Variants in MEI1 observed in about 807,000 individuals in gnomAD.
MEI1 encodes the protein meiosis inhibitor protein 1.
A neutral mutation model predicts 146.2 loss-of-function variants in MEI1; 103 were observed. That is an observed-to-expected ratio of 0.70 (90% CI 0.60 to 0.83). The LOEUF is 0.83. MEI1 is among the 40% of genes least tolerant of loss of function. MEI1 has a pLI of 0.00. For synonymous variants in MEI1, 652 were observed against 628.2 expected, an observed-to-expected ratio of 1.04 and a Z score of -0.57; for missense variants, 1,529 against 1,533.0, an observed-to-expected ratio of 1.00 and a Z score of 0.04.
At chr22:41,734,833 C>T (rs1326172761) in intron 11 of MEI1, among the ~76,000 whole-genome samples, 4 of 151,712 alleles carry the variant, frequency 2.6e-5, no homozygotes, top group East Asian at 3.9e-4. Flanking sequence ...GATGGGGTTT[C>T]GCCACGTTGG....
chr22:41,754,186 C>G (rs1422672769), intron 17 of MEI1, 140 bp downstream of exon 17: 3 of 637,590 alleles, frequency 4.7e-6, no homozygotes, highest in Non-Finnish European at 8.4e-6. Flanking sequence ...CGGAGTGATG[C>G]AATTATAGGT....
At chr22:41,710,378 C>G (rs544096763) in intron 3 of MEI1, among the ~76,000 whole-genome samples, 2 of 152,314 alleles carry the variant, frequency 1.3e-5, no homozygotes, top group Middle Eastern at 3.4e-3. Context: ...TACAAAAATT[C>G]TGCAAGTGGG....
intron 30 of MEI1, among the ~76,000 whole-genome samples, chr22:41,797,737 G>A (rs4822052): frequency 0.18 from 27,871 of 151,632 alleles, 3,710 homozygotes; most frequent in Admixed American, 0.42. Flanking sequence ...TACAAAATTC[G>A]AAAAAAAATC....
chr22:41,784,550 G>A (rs2056281941), intron 25 of MEI1, 58 bp from the exon 26 acceptor site: 1 of 1,597,710 alleles, frequency 6.3e-7, no homozygotes, highest in Admixed American at 1.7e-5. Flanking sequence ...CTGTGACAGA[G>A]CTGGGTGGGA....
chr22:41,776,973 C>G (rs1223475995), intron 21 of MEI1, among the ~76,000 whole-genome samples: 2 of 151,484 alleles, frequency 1.3e-5, no homozygotes, highest in Admixed American at 6.6e-5. Flanking sequence ...TGCCACGACA[C>G]CCAGCTAATT....
rs559960958 is a variant in MEI1, at chr22:41,763,977, C to T, written c.2268+656C>T. 1.2e-3 allele frequency among the ~76,000 whole-genome samples: 162 copies of T among 132,782 alleles called. 2 individuals carry two copies. In the East Asian group the frequency reaches 0.015, roughly 12 times the overall value. 87.1% of individuals were successfully genotyped at this position (132,782 alleles called of 152,430 possible). ...TTTTTTTTTTTTTGAGACGGAGTCT[C>T]GCTCTGTCACCCAGGCTGGAGTGCA... On this transcript the variant is annotated intron_variant, in intron 19 of 30. Coordinates refer to ENST00000401548, the MANE Select transcript of MEI1 (RefSeq NM_152513.4).
chr22:41,777,838 T>A (rs1328116527), intron 21 of MEI1, among the ~76,000 whole-genome samples: 1 of 151,854 alleles, frequency 6.6e-6, no homozygotes, highest in Non-Finnish European at 1.5e-5. Flanking sequence ...CCTTCCTTCC[T>A]TCATTCCTTC....
chr22:41,721,216 G>C (rs189385390), intron 6 of MEI1, among the ~76,000 whole-genome samples: 74 of 148,934 alleles, frequency 5.0e-4, no homozygotes, highest in South Asian at 1.9e-3. Context: ...GGGATTACAG[G>C]TGTTAGCCAC....
chr22:41,713,044 C>T (rs1019067202), intron 3 of MEI1, among the ~76,000 whole-genome samples: 3 of 152,130 alleles, frequency 2.0e-5, no homozygotes, highest in South Asian at 4.2e-4. Context: ...CTCCTGACCT[C>T]GTGATCCGCC....
At chr22:41,789,093 A>C (rs1466624252) in intron 26 of MEI1, among the ~76,000 whole-genome samples, 1 of 152,106 alleles carries the variant, frequency 6.6e-6, no homozygotes, top group Non-Finnish European at 1.5e-5. Flanking sequence ...CGGGCGGATC[A>C]CTTGTCAGGA....
At chr22:41,736,878 C>G in intron 11 of MEI1, among the ~76,000 whole-genome samples, 1 of 152,170 alleles carries the variant, frequency 6.6e-6, no homozygotes. Flanking sequence ...TTCCTGAACT[C>G]CAGACCACAT....
chr22:41,706,463 T>C (rs559968662), intron 3 of MEI1, among the ~76,000 whole-genome samples: 1 of 152,338 alleles, frequency 6.6e-6, no homozygotes, highest in Admixed American at 6.5e-5. Context: ...CTAGATTTGA[T>C]GAGTGCTGTT....
chr22:41,760,699 A>G (rs990651022), intron 18 of MEI1, among the ~76,000 whole-genome samples: 3 of 152,194 alleles, frequency 2.0e-5, no homozygotes, highest in Admixed American at 6.5e-5. Flanking sequence ...GGCTCACAGC[A>G]CTAAAGATTT....
Position 41,775,813 on chromosome 22 carries a change from C to T in MEI1, c.2545-289C>T, listed in dbSNP as rs76636806. ...GTTTCACCGTGTTAGCCAGGATGGT[C>T]TCAATCTCCTGACCTCGTGATCCAC... On this transcript the variant is annotated intron_variant, in intron 20 of 30. Coordinates refer to ENST00000401548, the MANE Select transcript of MEI1 (RefSeq NM_152513.4). Among the ~76,000 whole-genome samples the T allele has an allele frequency of 0.019, 2,923 of 152,166 alleles. 607 individuals carry two copies. The East Asian group carries it at 0.47, about 25-fold the overall frequency.
intron 1 of MEI1, among the ~76,000 whole-genome samples, chr22:41,700,673 T>A (rs2068636368): frequency 6.6e-6 from 1 of 151,944 alleles, no homozygotes; most frequent in African/African-American, 2.4e-5. Flanking sequence ...AAGAAGACTT[T>A]GGGAGGTCAA....
intron 1 of MEI1, among the ~76,000 whole-genome samples, chr22:41,700,165 C>A (rs2068588314): frequency 6.6e-6 from 1 of 152,210 alleles, no homozygotes; most frequent in African/African-American, 2.4e-5. Flanking sequence ...TCATTCCCTT[C>A]AGCTGTCGGG....
At chr22:41,708,097 A>G (rs2069238088) in intron 3 of MEI1, among the ~76,000 whole-genome samples, 1 of 152,256 alleles carries the variant, frequency 6.6e-6, no homozygotes, top group Non-Finnish European at 1.5e-5. Context: ...AAGGAGGTTA[A>G]TAATTTATTT....
At position 41,729,728 on chromosome 22, in the gene MEI1, G is replaced by T. The variant is rs1350115137; in HGVS notation, c.928G>T (p.Val310Phe). ...TGCTCACTGTATAACTGCGGTGCTT[G>T]TCCACTCCCCAGCAAAGCATGCGTC... is the stretch of plus-strand genomic sequence containing the variant. ...ASAHCITAVLVHSPAKHASAF... is the reference protein window; with the variant it reads ...ASAHCITAVLFHSPAKHASAF... Residue 310 changes from valine (V) to phenylalanine (F), a missense_variant, in exon 8 of 31, where the codon GTC becomes TTC. Physicochemically the swap from Val to Phe is conservative, Grantham distance 50. This residue lies in a region of MEI1 where 1,212 missense variants were observed against 1,178.9 expected (regional missense o/e 1.03). Coordinates refer to ENST00000401548, the MANE Select transcript of MEI1 (RefSeq NM_152513.4). 1.9e-6 allele frequency: 3 copies of T among 1,612,098 alleles called. No homozygotes were observed. Among genetic ancestry groups the T allele is most frequent in the Non-Finnish European group, 2.5e-6 (3 of 1,179,302 alleles).
At position 41,734,289 on chromosome 22, in the gene MEI1, T is replaced by A. The variant is rs566991614; in HGVS notation, c.1331+1686T>A. Among the ~76,000 whole-genome samples the A allele has an allele frequency of 1.6e-4, 24 of 151,492 alleles. No individual in the cohort carries two copies. In the South Asian group the frequency reaches 4.6e-3, roughly 29 times the overall value. On this transcript the variant is annotated intron_variant, in intron 11 of 30. Coordinates refer to ENST00000401548, the MANE Select transcript of MEI1 (RefSeq NM_152513.4). The stretch of plus-strand genomic sequence containing the variant: ...TTCCCCACAGATACTGAGGGACGAC[T>A]ATGCAATGTCAATGCAATGTAGACG...
Sources: allele counts gnomAD v4.1 joint callset (sites outside exome capture counted in the v4.1 genomes callset), GRCh38; gene constraint gnomAD v4.1.1; regional missense constraint gnomAD v4.1.1; transcripts MANE v1.5; gene names NCBI Gene and HGNC (gene_info 2026-07-23, HGNC 2026-07-21).